PCCA: variants seen among roughly 807,000 people sequenced by gnomAD.
The protein encoded by PCCA is propionyl-CoA carboxylase alpha chain, mitochondrial.
Under a neutral mutation model 101.3 loss-of-function variants are expected in PCCA, and 74 were observed. The ratio of observed to expected loss-of-function variants is 0.73; its 90% confidence interval spans 0.61 to 0.89. The LOEUF (loss-of-function observed/expected upper bound fraction) is 0.89. PCCA is among the 40% of genes least tolerant of loss of function. The pLI, the probability that PCCA is intolerant of heterozygous loss-of-function variation, is 0.00. For missense variants in PCCA, 891 were observed against 907.0 expected (o/e 0.98, Z 0.23); for synonymous variants, 294 against 313.6 (o/e 0.94, Z 0.66).
In PCCA at chr13:100,142,475, C is replaced by CTT. The variant is rs772422421; in HGVS notation, c.301-12488_301-12487dup. Among the ~76,000 whole-genome samples the CTT allele has an allele frequency of 3.4e-3, 468 of 136,304 alleles. 6 individuals carry two copies. The highest frequency in any genetic ancestry group is 0.012 in the African/African-American group (444 of 36,534). The allele number at this position is 136,304 out of a possible 152,430, so 89.4% of individuals were successfully genotyped here. A position where few individuals can be genotyped will look rare whatever the true frequency, so the allele number is the denominator to read the frequency against. On this transcript the variant is annotated intron_variant, in intron 4 of 23. Coordinates refer to ENST00000376285, the MANE Select transcript of PCCA (RefSeq NM_000282.4). ...ATCTCTATGAGATGAAATGAGCCTT[C>CTT]TTTTTTTTTTTTTTTTTGAGATGGA...
At chr13:100,344,976 A>C (rs1329086021) in intron 18 of PCCA, among the ~76,000 whole-genome samples, 1 of 152,122 alleles carries the variant, frequency 6.6e-6, no homozygotes, top group African/African-American at 2.4e-5. Context: ...CAAACCATGC[A>C]CGTGTAAGGT....
chr13:100,154,934 C>A (rs2053717835), intron 4 of PCCA, 45 bp from the exon 5 acceptor site: 1 of 1,261,168 alleles, frequency 7.9e-7, no homozygotes, highest in South Asian at 1.2e-5. Context: ...GATGGTAATT[C>A]TTTTTGCTGG....
chr13:100,377,009 G>C (rs529662252), intron 19 of PCCA, among the ~76,000 whole-genome samples: 1 of 152,182 alleles, frequency 6.6e-6, no homozygotes, highest in African/African-American at 2.4e-5. Flanking sequence ...GGGCTGAATA[G>C]CACTGCCCCT....
intron 19 of PCCA, among the ~76,000 whole-genome samples, chr13:100,387,653 A>G (rs1038123297): frequency 6.6e-6 from 1 of 152,226 alleles, no homozygotes; most frequent in Non-Finnish European, 1.5e-5. Context: ...AGAGAAATCA[A>G]GTCTGAAGAG....
At chr13:100,370,421 G>A (rs1265331013) in intron 19 of PCCA, among the ~76,000 whole-genome samples, 1 of 151,998 alleles carries the variant, frequency 6.6e-6, no homozygotes, top group Non-Finnish European at 1.5e-5. Context: ...GAGACCTCTG[G>A]CCTGACTGCA....
chr13:100,361,947 G>T (rs1301080233), intron 18 of PCCA, among the ~76,000 whole-genome samples: 1 of 152,054 alleles, frequency 6.6e-6, no homozygotes, highest in Non-Finnish European at 1.5e-5. Context: ...CAAGTACAAA[G>T]AATATCTACA....
intron 18 of PCCA, among the ~76,000 whole-genome samples, chr13:100,346,733 A>G (rs2072286745): frequency 6.6e-6 from 1 of 152,106 alleles, no homozygotes; most frequent in Non-Finnish European, 1.5e-5. Flanking sequence ...AGCAAACTTT[A>G]TTGTTGTCTT....
chr13:100,101,800 G>A (rs1387152855), intron 1 of PCCA, among the ~76,000 whole-genome samples: 2 of 151,806 alleles, frequency 1.3e-5, no homozygotes, highest in East Asian at 1.9e-4. Context: ...ACGGGATTTC[G>A]CCATTTTGGC....
chr13:100,101,821 G>A (rs1225844853), intron 1 of PCCA, among the ~76,000 whole-genome samples: 2 of 151,910 alleles, frequency 1.3e-5, no homozygotes, highest in East Asian at 1.9e-4. Context: ...CAGTCTGGTC[G>A]CAAACTCCTG....
chr13:100,526,498 T>G (rs1189982368), intron 22 of PCCA, among the ~76,000 whole-genome samples: 1 of 152,190 alleles, frequency 6.6e-6, no homozygotes, highest in East Asian at 1.9e-4. Flanking sequence ...GCAAGACAGC[T>G]TGCGCCACAC....
At chr13:100,231,755 A>G (rs1416915582) in intron 7 of PCCA, among the ~76,000 whole-genome samples, 1 of 152,166 alleles carries the variant, frequency 6.6e-6, no homozygotes, top group Non-Finnish European at 1.5e-5. Flanking sequence ...ATTCTTAAAT[A>G]TAGACAAGGT....
intron 19 of PCCA, among the ~76,000 whole-genome samples, chr13:100,396,070 TTAACGTTATGCTG>T (rs1325310912): frequency 6.6e-6 from 1 of 152,194 alleles, no homozygotes; most frequent in African/African-American, 2.4e-5. Flanking sequence ...AAACAATAAT[TTAACGTTATGCTG>T]AAAACAATAG....
intron 7 of PCCA, among the ~76,000 whole-genome samples, chr13:100,220,646 C>G (rs1378639013): frequency 6.6e-6 from 1 of 152,146 alleles, no homozygotes; most frequent in Non-Finnish European, 1.5e-5. Flanking sequence ...ATTTGTTTCC[C>G]CTTTCTAATA....
chr13:100,137,310 A>C (rs2051303263), intron 4 of PCCA, among the ~76,000 whole-genome samples: 1 of 152,104 alleles, frequency 6.6e-6, no homozygotes, highest in Non-Finnish European at 1.5e-5. Context: ...GCACTTGTAA[A>C]GATTGTGTCT....
chr13:100,526,256 G>T (rs1226045908), intron 22 of PCCA, among the ~76,000 whole-genome samples: 1 of 152,212 alleles, frequency 6.6e-6, no homozygotes, highest in East Asian at 1.9e-4. Flanking sequence ...AACAGCCCTC[G>T]AGGCTGATTC....
At chr13:100,364,062 A>T (rs1030998761) in intron 18 of PCCA, among the ~76,000 whole-genome samples, 23 of 152,170 alleles carry the variant, frequency 1.5e-4, no homozygotes, top group African/African-American at 4.8e-4. Flanking sequence ...GTCACTGTTT[A>T]TGTGAGTTCT....
In PCCA at chr13:100,089,117, A is replaced by G; in HGVS notation, c.-4A>G. On this transcript the variant is annotated 5_prime_UTR_variant, in exon 1 of 24. Coordinates refer to ENST00000376285, the MANE Select transcript of PCCA (RefSeq NM_000282.4). The stretch of plus-strand genomic sequence containing the variant: ...CAGCAGAGGGGCGGTCTGCGGGGAC[A>G]ACAATGGCGGGGTTCTGGGTCGGGA... 5.3e-6 allele frequency: 8 copies of G among 1,496,602 alleles called. No homozygotes were observed. The highest frequency in any genetic ancestry group is 7.1e-6 in the Non-Finnish European group (8 of 1,119,368). 92.7% of individuals were successfully genotyped at this position (1,496,602 alleles called of 1,614,324 possible). A position where few individuals can be genotyped will look rare whatever the true frequency, so the allele number is the denominator to read the frequency against.
chr13:100,257,563 T>C (rs2152558201), intron 8 of PCCA, 32 bp from the exon 9 acceptor site: 2 of 1,507,486 alleles, frequency 1.3e-6, no homozygotes, highest in Non-Finnish European at 1.8e-6. Flanking sequence ...GATCAAAGTC[T>C]GAACTTCTGT....
chr13:100,171,585 C>T (rs552632149), intron 6 of PCCA, among the ~76,000 whole-genome samples: 1 of 152,308 alleles, frequency 6.6e-6, no homozygotes, highest in South Asian at 2.1e-4. Flanking sequence ...ACTTTACTTA[C>T]TAGTCATTAA....
Sources: allele counts gnomAD v4.1 joint callset (sites outside exome capture counted in the v4.1 genomes callset), GRCh38; gene constraint gnomAD v4.1.1; transcripts MANE v1.5; gene names NCBI Gene and HGNC (gene_info 2026-07-23, HGNC 2026-07-21).